CDH8: variants seen among roughly 807,000 people sequenced by gnomAD.
The protein encoded by CDH8 is cadherin 8.
In CDH8, 17 loss-of-function variants were observed where a neutral mutation model predicts 68.1. The observed-to-expected ratio is 0.25, with a 90% CI of 0.17 to 0.37. The LOEUF is 0.37. CDH8 is among the 10% of genes least tolerant of loss of function. The pLI is 1.00. For synonymous variants in CDH8, 372 were observed against 365.1 expected (o/e 1.02, Z -0.21); for missense variants, 763 against 999.3 (o/e 0.76, Z 3.19).
chr16:61,760,462 C>G (rs181364488), intron 8 of CDH8, among the ~76,000 whole-genome samples: 3 of 151,922 alleles, frequency 2.0e-5, no homozygotes, highest in Admixed American at 2.0e-4. Flanking sequence ...AGGTGCCCAC[C>G]ACCATGCCCA....
chr16:62,007,633 G>T (rs942955954), intron 2 of CDH8, among the ~76,000 whole-genome samples: 6 of 152,126 alleles, frequency 3.9e-5, no homozygotes, highest in African/African-American at 1.4e-4. Flanking sequence ...GAACAGAAAA[G>T]TATATACAAA....
Position 61,919,048 on chromosome 16 carries a change from G to A in CDH8, c.253-17575C>T, listed in dbSNP as rs557657816. ...CCTAACTGGGAGGCACCCCCCAGCA[G>A]GGGCATACTGACACCTCACACGGCA... On this transcript the variant is annotated intron_variant, in intron 2 of 11. Transcript: ENST00000577390. Among the ~76,000 whole-genome samples the A allele has an allele frequency of 9.4e-4, 138 of 147,132 alleles. 27 individuals carry two copies. In the East Asian group the frequency reaches 0.029, roughly 31 times the overall value.
intron 8 of CDH8, among the ~76,000 whole-genome samples, chr16:61,750,380 T>A (rs1960130161): frequency 1.3e-5 from 2 of 152,090 alleles, no homozygotes. Context: ...TAGGTTTAAA[T>A]ATCTCCTGTA....
At chr16:61,942,985 G>A (rs552496320) in intron 2 of CDH8, among the ~76,000 whole-genome samples, 2 of 152,260 alleles carry the variant, frequency 1.3e-5, no homozygotes, top group Admixed American at 6.5e-5. Flanking sequence ...GCTTGAGTCC[G>A]GGAGGCAGAG....
At chr16:61,843,479 A>C (rs1375775538) in intron 4 of CDH8, among the ~76,000 whole-genome samples, 1 of 152,194 alleles carries the variant, frequency 6.6e-6, no homozygotes, top group East Asian at 1.9e-4. Context: ...GGAATATCTT[A>C]GTCAAGGTCA....
intron 3 of CDH8, among the ~76,000 whole-genome samples, chr16:61,873,228 T>C (rs1035754995): frequency 7.9e-5 from 12 of 152,326 alleles, no homozygotes; most frequent in African/African-American, 2.9e-4. Flanking sequence ...TAAACGCCTG[T>C]GTCCTGTAGA....
chr16:61,721,023 A>G (rs1959212791), intron 9 of CDH8, among the ~76,000 whole-genome samples: 1 of 141,682 alleles, frequency 7.1e-6, no homozygotes, highest in Admixed American at 8.7e-5. Context: ...GGTTTAAACT[A>G]ACAGAGATTA....
rs148276634 is a variant in CDH8 at position 61,747,854 on chromosome 16, C to T, written c.1415-20639G>A. Among the ~76,000 whole-genome samples the T allele has an allele frequency of 8.0e-3, 1,224 of 152,142 alleles. 26 individuals are homozygous for T. Among genetic ancestry groups the T allele is most frequent in the African/African-American group, 0.027 (1,140 of 41,552 alleles). On this transcript the variant is annotated intron_variant, in intron 8 of 11. Coordinates refer to ENST00000577390, the MANE Select transcript of CDH8 (RefSeq NM_001796.5). Reference sequence around the variant, plus strand: ...TCAATTGTCAACCTCTGAATTTCTGCTGTTGCAGACAATCCAGTTGTTTCT... The same window carrying T: ...TCAATTGTCAACCTCTGAATTTCTGTTGTTGCAGACAATCCAGTTGTTTCT...
chr16:61,931,536 C>T (rs1172879345), intron 2 of CDH8, among the ~76,000 whole-genome samples: 1 of 152,056 alleles, frequency 6.6e-6, no homozygotes, highest in Non-Finnish European at 1.5e-5. Context: ...GGCATTCTGA[C>T]TGAATGAAAT....
chr16:61,652,782 T>C lies in CDH8; in HGVS notation c.*826A>G, dbSNP rs997208972. The C allele has an allele frequency of 4.2e-5, 56 of 1,338,608 alleles. No individual in the cohort carries two copies. The highest frequency in any genetic ancestry group is 5.0e-5 in the Non-Finnish European group (52 of 1,043,564). The allele number at this position is 1,338,608 out of a possible 1,614,324, so 82.9% of individuals were successfully genotyped here. A position where few individuals can be genotyped will look rare whatever the true frequency, so the allele number is the denominator to read the frequency against. The stretch of plus-strand genomic sequence containing the variant: ...ATATTTATTTCGAGGATTAAACAAA[T>C]AAATTCACGCGCTAGCAATAAAACC... On this transcript the variant is annotated 3_prime_UTR_variant, in exon 12 of 12. Coordinates refer to ENST00000577390, the MANE Select transcript of CDH8 (RefSeq NM_001796.5).
intron 8 of CDH8, among the ~76,000 whole-genome samples, chr16:61,736,377 C>A (rs2142914397): frequency 6.6e-6 from 1 of 152,220 alleles, no homozygotes; most frequent in African/African-American, 2.4e-5. Context: ...CATGTGATCA[C>A]TGGCAAGCCG....
chr16:61,825,050 A>G lies in CDH8; in HGVS notation c.797T>C (p.Leu266Pro). 1 of 1,611,972 alleles carries G rather than the reference A, an allele frequency of 6.2e-7. No individual in the cohort carries two copies. Residue 266 changes from leucine (L) to proline (P), a missense_variant, in exon 5 of 12, where the codon CTT becomes CCT. Leu to Pro is a moderately conservative substitution (Grantham distance 98). Coordinates refer to ENST00000577390, the MANE Select transcript of CDH8 (RefSeq NM_001796.5). ...TGGAGGATTGTCATTAACATCAGTAAGAGTCACTGTAAGTGTCGTGGTCCC... is the reference window on the plus strand; with the variant it reads ...TGGAGGATTGTCATTAACATCAGTAGGAGTCACTGTAAGTGTCGTGGTCCC... ...LSGTTTLTVT[L>P]TDVNDNPPKF...
rs182614223 is a variant in CDH8 at position 61,700,068 on chromosome 16, G to A, written c.1654+13773C>T. Among the ~76,000 whole-genome samples the A allele has an allele frequency of 7.0e-4, 106 of 152,064 alleles. 1 individual carries two copies. The highest frequency in any genetic ancestry group is 1.9e-3 in the Admixed American group (29 of 15,268). On this transcript the variant is annotated intron_variant, in intron 10 of 11. Transcript: ENST00000577390. ...AATTGTCAGTTTTTCTTTCTTAGTT[G>A]GACATAAACTGATGTCTCATTAACA... is the stretch of plus-strand genomic sequence containing the variant.
intron 2 of CDH8, among the ~76,000 whole-genome samples, chr16:61,931,084 C>T (rs916672317): frequency 4.6e-5 from 7 of 152,224 alleles, no homozygotes; most frequent in Admixed American, 1.3e-4. Flanking sequence ...TACACCATTT[C>T]GAAATTGTGA....
chr16:61,768,304 G>GTGTCTC (rs1164507960), intron 8 of CDH8, among the ~76,000 whole-genome samples: 2 of 73,686 alleles, frequency 2.7e-5, no homozygotes, highest in Non-Finnish European at 5.8e-5. Flanking sequence ...CTCTCTCTGT[G>GTGTCTC]TCTCTCCCTT....
chr16:61,768,350 CT>C (rs1960662835), intron 8 of CDH8, among the ~76,000 whole-genome samples: 15 of 112,262 alleles, frequency 1.3e-4, no homozygotes, highest in African/African-American at 5.4e-4. Context: ...CTCTCTCTCT[CT>C]CTCTCTCTCT....
intron 9 of CDH8, among the ~76,000 whole-genome samples, chr16:61,715,093 G>A (rs375189614): frequency 1.8e-4 from 28 of 151,660 alleles, no homozygotes; most frequent in African/African-American, 6.3e-4. Flanking sequence ...CAATTTACTT[G>A]AGGCAAAAAT....
intron 2 of CDH8, among the ~76,000 whole-genome samples, chr16:61,950,325 T>C (rs1163777316): frequency 6.6e-6 from 1 of 152,198 alleles, no homozygotes; most frequent in African/African-American, 2.4e-5. Context: ...GAAGCAGCTC[T>C]TCATAAGAAA....
chr16:61,799,143 C>A (rs994761822), intron 7 of CDH8, among the ~76,000 whole-genome samples: 1 of 152,126 alleles, frequency 6.6e-6, no homozygotes, highest in Non-Finnish European at 1.5e-5. Context: ...TCCACATTGA[C>A]CCAGCAATGC....
Sources: gnomAD v4.1 joint callset for allele counts (sites outside exome capture counted in the v4.1 genomes callset) on GRCh38, gnomAD v4.1.1 for gene constraint, MANE v1.5 for transcripts, NCBI Gene and HGNC (gene_info 2026-07-23, HGNC 2026-07-21) for gene names.